Variants in SLC38A12 observed in about 807,000 individuals in gnomAD.
SLC38A12 encodes the protein putative sodium-coupled neutral amino acid transporter 12.
At chr17:74,823,142 C>T in the SLC38A12 span, among the ~76,000 whole-genome samples, 2 of 152,224 alleles carry the variant, frequency 1.3e-5, no homozygotes, top group Admixed American at 6.5e-5. Context: ...ACTCGCGCCG[C>T]ACCCCTTCCT....
the SLC38A12 span, among the ~76,000 whole-genome samples, chr17:74,792,727 G>A: frequency 6.6e-6 from 1 of 152,232 alleles, no homozygotes; most frequent in Non-Finnish European, 1.5e-5. Flanking sequence ...ATTTAGGCAG[G>A]GCGATGTGAT....
At chr17:74,836,593 G>C in the SLC38A12 span, 1 of 1,612,758 alleles carries the variant, frequency 6.2e-7, no homozygotes, top group Non-Finnish European at 8.5e-7. This position sits in a 1 kb window ranked among gnomAD's most constrained non-coding sequence, Gnocchi z 4.2. Flanking sequence ...TCCCCTTTCC[G>C]CCACACCTTC....
At chr17:74,795,489 G>C in the SLC38A12 span, 26 of 1,598,336 alleles carry the variant, frequency 1.6e-5, no homozygotes, top group Non-Finnish European at 2.2e-5. Flanking sequence ...AGGCGGCCTC[G>C]CTGAGCCTGG....
chr17:74,786,637 G>A, the SLC38A12 span, among the ~76,000 whole-genome samples: 2 of 152,240 alleles, frequency 1.3e-5, no homozygotes, highest in African/African-American at 4.8e-5. Flanking sequence ...TGAAGGGGGA[G>A]GGAGTGGGTG....
the SLC38A12 span, among the ~76,000 whole-genome samples, chr17:74,802,120 G>T: frequency 6.6e-6 from 1 of 152,130 alleles, no homozygotes; most frequent in South Asian, 2.1e-4. Flanking sequence ...CCCTGTGACT[G>T]CCTCCTCCAC....
chr17:74,818,763 G>C, the SLC38A12 span, among the ~76,000 whole-genome samples: 1 of 152,206 alleles, frequency 6.6e-6, no homozygotes, highest in South Asian at 2.1e-4. Context: ...AATAAGGTCT[G>C]ATGCCTCACA....
At chr17:74,799,297 G>T in the SLC38A12 span, among the ~76,000 whole-genome samples, 1 of 152,254 alleles carries the variant, frequency 6.6e-6, no homozygotes, top group African/African-American at 2.4e-5. Flanking sequence ...GGCCCCGGCC[G>T]AACAGAGCCG....
chr17:74,792,790 C>T, the SLC38A12 span, among the ~76,000 whole-genome samples: 1 of 152,256 alleles, frequency 6.6e-6, no homozygotes, highest in Non-Finnish European at 1.5e-5. Context: ...CTGGACCGGC[C>T]TCACAGAGGG....
At chr17:74,831,132 A>ACC in the SLC38A12 span, among the ~76,000 whole-genome samples, 2,419 of 152,170 alleles carry the variant, frequency 0.016, 61 homozygotes, top group African/African-American at 0.055. Flanking sequence ...TGGGACCCCC[A>ACC]CCACGTGCCT....
At chr17:74,828,963 AG>A in the SLC38A12 span, among the ~76,000 whole-genome samples, 1 of 152,194 alleles carries the variant, frequency 6.6e-6, no homozygotes, top group Non-Finnish European at 1.5e-5. Flanking sequence ...AGACACCCAT[AG>A]AAATACAATG....
At chr17:74,838,464 C>T in the SLC38A12 span, 26 of 1,023,810 alleles carry the variant, frequency 2.5e-5, no homozygotes, top group Non-Finnish European at 2.8e-5. Context: ...CATCCTGCCA[C>T]CCGAGGCTCC....
chr17:74,784,507 A>G, the SLC38A12 span, among the ~76,000 whole-genome samples: 2 of 152,126 alleles, frequency 1.3e-5, no homozygotes, highest in Admixed American at 6.6e-5. Context: ...AAAGGTTGAT[A>G]CTAAGAGAAA....
chr17:74,822,441 A>T, the SLC38A12 span, among the ~76,000 whole-genome samples: 3 of 152,236 alleles, frequency 2.0e-5, no homozygotes, highest in African/African-American at 7.2e-5. Context: ...GGCTTTTGGC[A>T]GCATCAGGAG....
At chr17:74,790,806 C>G in the SLC38A12 span, 1 of 580,946 alleles carries the variant, frequency 1.7e-6, no homozygotes, top group South Asian at 2.1e-5. Context: ...TGTGTTAAAC[C>G]ATGTCAAGCA....
At chr17:74,791,148 G>T in the SLC38A12 span, 1 of 929,468 alleles carries the variant, frequency 1.1e-6, no homozygotes, top group South Asian at 1.5e-5. Flanking sequence ...ATGGGGCAGA[G>T]CAGGTGGTAG....
the SLC38A12 span, chr17:74,838,420 G>A: frequency 4.0e-5 from 40 of 1,007,400 alleles, no homozygotes; most frequent in African/African-American, 6.9e-5. Context: ...CTCCAATTAC[G>A]TTCCCTCTTG....
At chr17:74,794,874 C>T in the SLC38A12 span, 1 of 714,548 alleles carries the variant, frequency 1.4e-6, no homozygotes, top group Admixed American at 2.8e-5. Context: ...CATTTTCCCA[C>T]TTTTTGTAGA....
chr17:74,816,394 A>G, the SLC38A12 span, among the ~76,000 whole-genome samples: 1 of 152,218 alleles, frequency 6.6e-6, no homozygotes, highest in South Asian at 2.1e-4. Flanking sequence ...AGCGCATGTA[A>G]GGGACACAGG....
At chr17:74,790,043 T>C in the SLC38A12 span, among the ~76,000 whole-genome samples, 1 of 151,464 alleles carries the variant, frequency 6.6e-6, no homozygotes, top group Non-Finnish European at 1.5e-5. Context: ...AGCCTCGATC[T>C]CCTGGGCTCA....
Sources: gnomAD v4.1 joint callset for allele counts (sites outside exome capture counted in the v4.1 genomes callset) on GRCh38, gnomAD v4.1.1 for gene constraint, Gnocchi (gnomAD v3.1) non-coding constraint, MANE v1.5 for transcripts, NCBI Gene and HGNC (gene_info 2026-07-23, HGNC 2026-07-21) for gene names.